LRP1B: variants seen among roughly 807,000 people sequenced by gnomAD.
LRP1B encodes LDL receptor related protein 1B.
LRP1B carries 217 observed loss-of-function variants against 556.6 expected under a neutral mutation model. The observed-to-expected ratio is 0.39, with a 90% confidence interval of 0.35 to 0.44. The LOEUF (loss-of-function observed/expected upper bound fraction) is 0.44. LRP1B is among the 20% of genes least tolerant of loss of function. The probability of loss-of-function intolerance (pLI) is 1.00; values close to 1 mark genes in which losing one functional copy is unlikely to be tolerated. For synonymous variants in LRP1B, 2,047 were observed against 1,865.8 expected (o/e 1.10, Z -2.50); for missense variants, 5,053 against 5,620.8 (o/e 0.90, Z 3.23).
At chr2:140,286,813 C>T (rs899205432) in intron 84 of LRP1B, among the ~76,000 whole-genome samples, 7 of 151,580 alleles carry the variant, frequency 4.6e-5, no homozygotes, top group African/African-American at 1.5e-4. Flanking sequence ...ATCATAAGCA[C>T]TCAAAGTATC....
At chr2:141,372,352 G>A (rs1268336480) in intron 3 of LRP1B, among the ~76,000 whole-genome samples, 1 of 151,902 alleles carries the variant, frequency 6.6e-6, no homozygotes, top group African/African-American at 2.4e-5. Context: ...TTCTTATTTT[G>A]TTATATCTTT....
chr2:141,987,308 A>G (rs536607796), intron 1 of LRP1B, among the ~76,000 whole-genome samples: 1 of 152,014 alleles, frequency 6.6e-6, no homozygotes, highest in Non-Finnish European at 1.5e-5. Flanking sequence ...AAAATACTCA[A>G]TTACATCTAG....
At chr2:142,073,439 A>G (rs1483575097) in intron 1 of LRP1B, among the ~76,000 whole-genome samples, 1 of 152,082 alleles carries the variant, frequency 6.6e-6, no homozygotes, top group East Asian at 1.9e-4. Flanking sequence ...GTTCACATTT[A>G]TTAGTTCAAA....
chr2:142,010,447 G>C (rs1221425606), intron 1 of LRP1B, among the ~76,000 whole-genome samples: 1 of 150,726 alleles, frequency 6.6e-6, no homozygotes, highest in Admixed American at 6.6e-5. Flanking sequence ...TCAGCTACTC[G>C]GAGAGGCTGA....
intron 1 of LRP1B, among the ~76,000 whole-genome samples, chr2:141,924,304 G>C (rs888841142): frequency 6.6e-6 from 1 of 151,964 alleles, no homozygotes; most frequent in Non-Finnish European, 1.5e-5. Flanking sequence ...CTGCTTGATA[G>C]CCAAAACTTC....
At chr2:140,621,805 C>A (rs1335198577) in intron 41 of LRP1B, among the ~76,000 whole-genome samples, 1 of 152,156 alleles carries the variant, frequency 6.6e-6, no homozygotes. Flanking sequence ...TTTTACTGAA[C>A]TTAACGAAGA....
chr2:140,366,388 G>C (rs1420254827), intron 71 of LRP1B, among the ~76,000 whole-genome samples: 1 of 151,638 alleles, frequency 6.6e-6, no homozygotes, highest in Admixed American at 6.6e-5. Context: ...GGAGGAGCAG[G>C]CTTAAGACAT....
intron 1 of LRP1B, among the ~76,000 whole-genome samples, chr2:141,922,077 C>G (rs914675676): frequency 6.6e-6 from 1 of 152,080 alleles, no homozygotes; most frequent in Non-Finnish European, 1.5e-5. Context: ...CTAAAGAATT[C>G]AGGATCCATC....
intron 13 of LRP1B, among the ~76,000 whole-genome samples, chr2:141,014,493 T>C (rs1697846521): frequency 6.6e-6 from 1 of 152,008 alleles, no homozygotes; most frequent in South Asian, 2.1e-4. Context: ...TGAGAATACT[T>C]TTTCACCTTT....
At chr2:141,975,045 TTG>T (rs1244744483) in intron 1 of LRP1B, among the ~76,000 whole-genome samples, 1 of 152,070 alleles carries the variant, frequency 6.6e-6, no homozygotes, top group Non-Finnish European at 1.5e-5. Flanking sequence ...AGTGAATGTA[TTG>T]TGACATTGCA....
chr2:141,176,012 T>C (rs1680718638), intron 7 of LRP1B, among the ~76,000 whole-genome samples: 3 of 152,086 alleles, frequency 2.0e-5, no homozygotes, highest in Admixed American at 6.5e-5. Flanking sequence ...TGTAACCCCA[T>C]TGTTTTTGGC....
intron 10 of LRP1B, among the ~76,000 whole-genome samples, chr2:141,052,565 G>A (rs1699066675): frequency 6.6e-6 from 1 of 151,920 alleles, no homozygotes; most frequent in African/African-American, 2.4e-5. Context: ...AAGTAAAGTA[G>A]GATAACTTGT....
At chr2:141,391,504 T>A (rs1032232173) in intron 3 of LRP1B, among the ~76,000 whole-genome samples, 8 of 151,084 alleles carry the variant, frequency 5.3e-5, no homozygotes, top group African/African-American at 2.0e-4. Flanking sequence ...TTCAATAAGG[T>A]TGGAAAAAAA....
chr2:140,560,650 T>C (rs1188682155), intron 43 of LRP1B, among the ~76,000 whole-genome samples: 1 of 152,210 alleles, frequency 6.6e-6, no homozygotes, highest in Non-Finnish European at 1.5e-5. Flanking sequence ...ATGCTTGCCA[T>C]ATTTAACAAT....
chr2:140,803,260 G>GTTTTTTTTTTTTTTT (rs11352164), intron 32 of LRP1B, among the ~76,000 whole-genome samples: 1 of 102,238 alleles, frequency 9.8e-6, no homozygotes, highest in Non-Finnish European at 1.7e-5. Context: ...CCTATTGAAA[G>GTTTTTTTTTTTTTTT]TTTTTTTTTT....
intron 82 of LRP1B, among the ~76,000 whole-genome samples, chr2:140,320,411 AAG>A (rs1680046130): frequency 6.6e-6 from 1 of 152,250 alleles, no homozygotes; most frequent in African/African-American, 2.4e-5. Context: ...GCAGAGAACA[AAG>A]AGAAAAATCA....
intron 1 of LRP1B, among the ~76,000 whole-genome samples, chr2:141,845,757 G>T (rs1486681221): frequency 6.6e-6 from 1 of 151,854 alleles, no homozygotes; most frequent in African/African-American, 2.4e-5. Flanking sequence ...AACAGCAGAA[G>T]CAGAGCTAAC....
intron 66 of LRP1B, among the ~76,000 whole-genome samples, chr2:140,392,149 C>T (rs1393972816): frequency 6.6e-6 from 1 of 152,190 alleles, no homozygotes; most frequent in African/African-American, 2.4e-5. Context: ...CTGAGAATTA[C>T]ATCAGGCAAA....
chr2:141,857,849 C>T (rs1043851729), intron 1 of LRP1B, among the ~76,000 whole-genome samples: 2 of 152,172 alleles, frequency 1.3e-5, no homozygotes, highest in African/African-American at 4.8e-5. Flanking sequence ...TTCACCTGTA[C>T]TGCAGATATT....
Sources: allele counts gnomAD v4.1 joint callset (sites outside exome capture counted in the v4.1 genomes callset), GRCh38; gene constraint gnomAD v4.1.1; transcripts MANE v1.5; gene names NCBI Gene and HGNC (gene_info 2026-07-23, HGNC 2026-07-21).